Variants in UNC5B observed in about 807,000 individuals in gnomAD.
UNC5B encodes unc-5 netrin receptor B.
A neutral mutation model predicts 103.7 loss-of-function variants in UNC5B; 56 were observed. The ratio of observed to expected loss-of-function variants is 0.54; its 90% confidence interval spans 0.44 to 0.67. The LOEUF (loss-of-function observed/expected upper bound fraction) is 0.67. UNC5B is among the 30% of genes least tolerant of loss of function. The pLI is 0.00. For synonymous variants in UNC5B, 577 were observed against 542.0 expected, an observed-to-expected ratio of 1.06 and a Z score of -0.90; for missense variants, 1,194 against 1,284.5, an observed-to-expected ratio of 0.93 and a Z score of 1.08.
chr10:71,223,079 C>T (rs1332599906), intron 1 of UNC5B, among the ~76,000 whole-genome samples: 4 of 152,168 alleles, frequency 2.6e-5, no homozygotes, highest in African/African-American at 9.7e-5. Flanking sequence ...AGCCTGCGTT[C>T]TTTCCTTTTC....
chr10:71,261,784 A>C (rs946803814), intron 1 of UNC5B, among the ~76,000 whole-genome samples: 1 of 152,144 alleles, frequency 6.6e-6, no homozygotes, highest in East Asian at 1.9e-4. Flanking sequence ...AGTTATTTTA[A>C]GCACTGAACC....
intron 1 of UNC5B, among the ~76,000 whole-genome samples, chr10:71,232,630 G>T (rs1237630044): frequency 6.6e-6 from 1 of 152,256 alleles, no homozygotes; most frequent in South Asian, 2.1e-4. Context: ...GCCTTGCTTT[G>T]GGTCATTTAC....
intron 1 of UNC5B, among the ~76,000 whole-genome samples, chr10:71,255,928 G>GC (rs1442261057): frequency 1.3e-5 from 2 of 152,204 alleles, no homozygotes; most frequent in Non-Finnish European, 2.9e-5. Context: ...CCTGCTCTGA[G>GC]CCCCCACGGT....
Position 71,213,716 on chromosome 10 carries a change from T to C in UNC5B, c.79+652T>C, listed in dbSNP as rs1589142986. ...ATTATTATTATTATTATTAATTTTC[T>C]GAGTGTTGGAGAGTGTGTGTGTGTG... On this transcript the variant is annotated intron_variant, in intron 1 of 16. Transcript: ENST00000335350. The surrounding 1 kb of genome is among the most constrained non-coding windows in gnomAD (Gnocchi z 4.1). Among the ~76,000 whole-genome samples, 1 of 127,700 alleles carries C rather than the reference T, an allele frequency of 7.8e-6. No homozygotes were observed. Among genetic ancestry groups the C allele is most frequent in the East Asian group, 2.4e-4 (1 of 4,210 alleles). 83.8% of individuals were successfully genotyped at this position (127,700 alleles called of 152,430 possible). A position where few individuals can be genotyped will look rare whatever the true frequency, so the allele number is the denominator to read the frequency against.
intron 1 of UNC5B, among the ~76,000 whole-genome samples, chr10:71,256,277 A>G (rs1844288460): frequency 6.6e-6 from 1 of 152,118 alleles, no homozygotes; most frequent in African/African-American, 2.4e-5. Flanking sequence ...AGCCACTCCC[A>G]GCCCTGGCCC....
At chr10:71,249,517 C>T (rs1589165114) in intron 1 of UNC5B, among the ~76,000 whole-genome samples, 2 of 152,308 alleles carry the variant, frequency 1.3e-5, no homozygotes, top group East Asian at 3.9e-4. Context: ...GTGGAACGCA[C>T]CTTGCACCTC....
At position 71,300,600 on chromosome 10, in the gene UNC5B, T is replaced by C. The variant is rs1286847674; in HGVS notation, c.*1323T>C. 1 of 152,354 alleles carries C rather than the reference T, an allele frequency of 6.6e-6. No individual in the cohort carries two copies. The highest frequency in any genetic ancestry group is 1.5e-5 in the Non-Finnish European group (1 of 68,168). The allele number at this position is 152,354 out of a possible 1,614,324, so 9.4% of individuals were successfully genotyped here. A position where few individuals can be genotyped will look rare whatever the true frequency, so the allele number is the denominator to read the frequency against. On this transcript the variant is annotated 3_prime_UTR_variant, in exon 17 of 17. Coordinates refer to ENST00000335350, the MANE Select transcript of UNC5B (RefSeq NM_170744.5). ...CAGCCCAGCAGCCTCTAGAGCAGCG[T>C]GGTGCTCTCTTGATGGCCAGGAATC...
At chr10:71,215,040 CA>C (rs980688776) in intron 1 of UNC5B, among the ~76,000 whole-genome samples, 80 of 152,344 alleles carry the variant, frequency 5.3e-4, no homozygotes, top group African/African-American at 1.7e-3. Context: ...TCTCATTGCC[CA>C]GAATGTGTGG....
intron 16 of UNC5B, among the ~76,000 whole-genome samples, chr10:71,298,513 A>G (rs1189089234): frequency 6.6e-6 from 1 of 151,754 alleles, no homozygotes; most frequent in African/African-American, 2.4e-5. Context: ...CCTTTGGAGA[A>G]CCTCAAATGC....
intron 1 of UNC5B, among the ~76,000 whole-genome samples, chr10:71,220,852 G>A (rs895978882): frequency 6.6e-6 from 1 of 152,204 alleles, no homozygotes; most frequent in Admixed American, 6.5e-5. Context: ...TGGCTGAGGA[G>A]TTAGTAGACT....
At chr10:71,253,440 C>CCTCGT (rs1178962478) in intron 1 of UNC5B, among the ~76,000 whole-genome samples, 1 of 152,238 alleles carries the variant, frequency 6.6e-6, no homozygotes, top group Non-Finnish European at 1.5e-5. Flanking sequence ...TCCACCTTCT[C>CCTCGT]CTCGTCCATT....
chr10:71,268,608 C>A (rs1347610882), intron 1 of UNC5B, among the ~76,000 whole-genome samples: 1 of 152,190 alleles, frequency 6.6e-6, no homozygotes, highest in East Asian at 1.9e-4. Context: ...AGCAGTTTTT[C>A]CACTTGGAAA....
At chr10:71,274,338 C>T (rs911565954) in intron 1 of UNC5B, among the ~76,000 whole-genome samples, 2 of 151,726 alleles carry the variant, frequency 1.3e-5, no homozygotes, top group African/African-American at 2.4e-5. Context: ...CCAGCTGGGC[C>T]ACAGAGCGAG....
rs569517364 is a variant in UNC5B at position 71,230,135 on chromosome 10, C to T, written c.79+17071C>T. 2.0e-5 allele frequency among the ~76,000 whole-genome samples: 3 copies of T among 152,258 alleles called. No individual in the cohort carries two copies. In the South Asian group the frequency reaches 6.2e-4, roughly 32 times the overall value. ...AGCTGAGAAAGATTAAGAAAAGAAG[C>T]ATTGTAGACCATTCTAGATAGTCCT... On this transcript the variant is annotated intron_variant, in intron 1 of 16. Coordinates refer to ENST00000335350, the MANE Select transcript of UNC5B (RefSeq NM_170744.5).
At chr10:71,237,926 G>A (rs1429136200) in intron 1 of UNC5B, among the ~76,000 whole-genome samples, 1 of 152,216 alleles carries the variant, frequency 6.6e-6, no homozygotes, top group Non-Finnish European at 1.5e-5. Context: ...AGATGAGGAA[G>A]GTGGGGAGAG....
chr10:71,275,992 T>C (rs2132295017), intron 1 of UNC5B, among the ~76,000 whole-genome samples: 1 of 152,290 alleles, frequency 6.6e-6, no homozygotes, highest in East Asian at 1.9e-4. Context: ...GTTTGAGAAG[T>C]TGTGCAGTGC....
intron 2 of UNC5B, 51 bp from the exon 3 acceptor site, chr10:71,284,669 C>G: frequency 1.9e-6 from 3 of 1,607,582 alleles, no homozygotes; most frequent in Non-Finnish European, 2.5e-6. Context: ...TCCTGTGCCT[C>G]ACATCCTTGC....
chr10:71,219,785 G>A (rs1414802335), intron 1 of UNC5B, among the ~76,000 whole-genome samples: 1 of 152,242 alleles, frequency 6.6e-6, no homozygotes, highest in African/African-American at 2.4e-5. Context: ...TCAGAGCATT[G>A]CAGATGCCAT....
At chr10:71,250,262 G>A (rs115179958) in intron 1 of UNC5B, among the ~76,000 whole-genome samples, 2,102 of 152,296 alleles carry the variant, frequency 0.014, 34 homozygotes, top group African/African-American at 0.021. Context: ...GGATGACCCC[G>A]AGCCTCCGGC....
Sources: allele counts gnomAD v4.1 joint callset (sites outside exome capture counted in the v4.1 genomes callset), GRCh38; gene constraint gnomAD v4.1.1; non-coding constraint Gnocchi (gnomAD v3.1); transcripts MANE v1.5; gene names NCBI Gene and HGNC (gene_info 2026-07-23, HGNC 2026-07-21).